Variants in COL15A1 observed in about 807,000 individuals in gnomAD.
COL15A1 encodes the protein collagen alpha-1(XV) chain.
A neutral mutation model predicts 165.9 loss-of-function variants in COL15A1; 111 were observed. That is an observed-to-expected ratio of 0.67 (90% CI 0.57 to 0.78). The LOEUF is 0.78. COL15A1 is among the 30% of genes least tolerant of loss of function. COL15A1 has a pLI of 0.00. For synonymous variants in COL15A1, 659 were observed against 674.8 expected (o/e 0.98, Z 0.36); for missense variants, 1,745 against 1,789.7 (o/e 0.98, Z 0.45).
chr9:99,065,760 G>A (rs1327541298), intron 39 of COL15A1, among the ~76,000 whole-genome samples: 1 of 150,756 alleles, frequency 6.6e-6, no homozygotes, highest in Non-Finnish European at 1.5e-5. Context: ...CTGCAGGAAG[G>A]AAAGGGGTGG....
intron 11 of COL15A1, among the ~76,000 whole-genome samples, chr9:99,016,860 A>G (rs773188408): frequency 1.3e-5 from 2 of 152,242 alleles, no homozygotes; most frequent in Non-Finnish European, 2.9e-5. Context: ...CCACCACTCA[A>G]GCTACAGTCA....
chr9:99,054,555 CATGT>C lies in COL15A1; in HGVS notation c.2951-16_2951-13del. 6.3e-7 allele frequency: 1 copy of C among 1,582,720 alleles called. No homozygotes were observed. Among genetic ancestry groups the C allele is most frequent in the Non-Finnish European group, 8.6e-7 (1 of 1,169,420 alleles). ...AAGGTGATTTTCCATTTTTTTTTAA[CATGT>C]ATGTGTTTGGTGGCAGGTGTTAAAG... On this transcript the variant is annotated splice_polypyrimidine_tract_variant and intron_variant, in intron 31 of 41. Coordinates refer to ENST00000375001, the MANE Select transcript of COL15A1 (RefSeq NM_001855.5).
At chr9:98,965,927 C>T (rs1397877367) in intron 2 of COL15A1, among the ~76,000 whole-genome samples, 1 of 151,670 alleles carries the variant, frequency 6.6e-6, no homozygotes, top group Non-Finnish European at 1.5e-5. Flanking sequence ...GTATCTGGGC[C>T]CCATGTTGGT....
intron 11 of COL15A1, among the ~76,000 whole-genome samples, chr9:99,017,079 T>A (rs1440788159): frequency 1.3e-5 from 2 of 152,210 alleles, no homozygotes; most frequent in Non-Finnish European, 2.9e-5. Flanking sequence ...CTCTGGGCCC[T>A]CAGTCAGGAC....
intron 2 of COL15A1, among the ~76,000 whole-genome samples, chr9:98,974,952 A>T (rs1393325308): frequency 6.6e-6 from 1 of 152,214 alleles, no homozygotes; most frequent in Non-Finnish European, 1.5e-5. Context: ...GGCCAAACTC[A>T]CTGCATGGCC....
intron 23 of COL15A1, 63 bp downstream of exon 23, chr9:99,040,619 A>T: frequency 6.2e-7 from 1 of 1,613,170 alleles, no homozygotes; most frequent in Non-Finnish European, 8.5e-7. Flanking sequence ...TGTTCCTTCC[A>T]CCTAGAATGG....
chr9:98,980,089 G>T (rs1228026382), intron 2 of COL15A1, among the ~76,000 whole-genome samples: 7 of 152,008 alleles, frequency 4.6e-5, no homozygotes, highest in Admixed American at 2.6e-4. Context: ...AAGCCTGGGA[G>T]GTGGAGGCTG....
chr9:99,056,779 G>A (rs564478830), intron 35 of COL15A1, among the ~76,000 whole-genome samples: 104 of 152,098 alleles, frequency 6.8e-4, no homozygotes, highest in Non-Finnish European at 1.3e-3. Flanking sequence ...GCCTATTCTG[G>A]ACATTTCATA....
intron 11 of COL15A1, among the ~76,000 whole-genome samples, chr9:99,017,214 T>C (rs1228627975): frequency 6.6e-6 from 1 of 152,248 alleles, no homozygotes; most frequent in African/African-American, 2.4e-5. Context: ...TACCTGATTC[T>C]CTTCACCACA....
intron 31 of COL15A1, among the ~76,000 whole-genome samples, chr9:99,052,914 T>G (rs1258443439): frequency 6.6e-6 from 1 of 152,220 alleles, no homozygotes; most frequent in Admixed American, 6.5e-5. Context: ...TGCAACTTTG[T>G]AAGCATCTCC....
At chr9:99,031,195 T>C (rs1839208641) in intron 16 of COL15A1, among the ~76,000 whole-genome samples, 1 of 152,116 alleles carries the variant, frequency 6.6e-6, no homozygotes, top group Non-Finnish European at 1.5e-5. Context: ...TCCTTGCCAC[T>C]CCAGCCTCAG....
chr9:99,022,180 C>T (rs779590104), intron 13 of COL15A1, 30 bp downstream of exon 13: 2 of 1,614,034 alleles, frequency 1.2e-6, no homozygotes, highest in East Asian at 2.2e-5. Context: ...TTGTCACACA[C>T]ACAGGTGTAA....
chr9:98,990,338 G>A (rs1838397411), intron 5 of COL15A1, among the ~76,000 whole-genome samples: 1 of 152,192 alleles, frequency 6.6e-6, no homozygotes, highest in South Asian at 2.1e-4. Context: ...TGGCCTGAGT[G>A]GTATTGCAAA....
At chr9:99,049,350 C>G (rs1839545791) in intron 28 of COL15A1, among the ~76,000 whole-genome samples, 1 of 152,268 alleles carries the variant, frequency 6.6e-6, no homozygotes. Context: ...GAGCCTTAGG[C>G]TCAGTATCAA....
At chr9:99,040,369 C>A in intron 22 of COL15A1, 152 bp from the exon 23 acceptor site, 3 of 1,268,200 alleles carry the variant, frequency 2.4e-6, no homozygotes, top group Non-Finnish European at 3.3e-6. Flanking sequence ...CAGACCCTCA[C>A]AGGGCCCCTT....
intron 26 of COL15A1, among the ~76,000 whole-genome samples, chr9:99,045,941 C>T (rs902511618): frequency 1.3e-5 from 2 of 152,200 alleles, no homozygotes; most frequent in East Asian, 1.9e-4. Context: ...CTGTAACTTT[C>T]GAGGTGAATC....
At chr9:99,047,384 C>A (rs951368899) in intron 26 of COL15A1, among the ~76,000 whole-genome samples, 7 of 151,998 alleles carry the variant, frequency 4.6e-5, no homozygotes. Context: ...CTGCGTTATT[C>A]AGAATGGGGG....
At chr9:99,020,683 T>C (rs1476862849) in intron 12 of COL15A1, among the ~76,000 whole-genome samples, 1 of 152,220 alleles carries the variant, frequency 6.6e-6, no homozygotes, top group East Asian at 1.9e-4. Context: ...TCCGTGGGCC[T>C]TGGCTTCTCT....
At chr9:99,016,317 A>G (rs1404082187) in intron 11 of COL15A1, among the ~76,000 whole-genome samples, 198 bp downstream of exon 11, 1 of 152,264 alleles carries the variant, frequency 6.6e-6, no homozygotes, top group Non-Finnish European at 1.5e-5. Flanking sequence ...AAAGCAAGAG[A>G]TTAAAGTCAA....
Sources: allele counts gnomAD v4.1 joint callset (sites outside exome capture counted in the v4.1 genomes callset), GRCh38; gene constraint gnomAD v4.1.1; transcripts MANE v1.5; gene names NCBI Gene and HGNC (gene_info 2026-07-23, HGNC 2026-07-21).